The following VMP1 variants were observed in gnomAD, a reference collection of about 807,000 sequenced individuals.
VMP1 encodes the protein vacuole membrane protein 1.
VMP1 carries 11 observed loss-of-function variants against 56.0 expected under a neutral mutation model. The ratio of observed to expected loss-of-function variants is 0.20; its 90% CI spans 0.12 to 0.32. VMP1 has a LOEUF of 0.32. Ranked by LOEUF, VMP1 falls within the 10% of genes least tolerant of loss-of-function variation. The pLI is 1.00. For missense variants in VMP1, 296 were observed against 490.3 expected (o/e 0.60, Z 3.74); for synonymous variants, 149 against 165.0 (o/e 0.90, Z 0.74).
chr17:59,778,153 G>T (rs1292183969), intron 7 of VMP1, among the ~76,000 whole-genome samples: 1 of 152,122 alleles, frequency 6.6e-6, no homozygotes, highest in Non-Finnish European at 1.5e-5. Context: ...CAATTTGTAT[G>T]TATTTTTCAG....
chr17:59,780,813 A>G (rs1261977477), intron 7 of VMP1, among the ~76,000 whole-genome samples: 1 of 151,854 alleles, frequency 6.6e-6, no homozygotes, highest in Non-Finnish European at 1.5e-5. Flanking sequence ...GTCTCGAACT[A>G]CTGACCTCAG....
intron 7 of VMP1, 25 bp downstream of exon 7, chr17:59,773,910 A>ACTTT: frequency 6.3e-7 from 1 of 1,575,354 alleles, no homozygotes; most frequent in South Asian, 1.2e-5. Flanking sequence ...GATAGAAAAT[A>ACTTT]GAACACTTTA....
chr17:59,754,558 A>T (rs567561452), intron 5 of VMP1, among the ~76,000 whole-genome samples: 17 of 152,268 alleles, frequency 1.1e-4, no homozygotes, highest in African/African-American at 3.4e-4. Context: ...TCATTTGTCT[A>T]TCCTCCTTTT....
chr17:59,818,063 A>T (rs2038308480), intron 10 of VMP1, among the ~76,000 whole-genome samples: 1 of 152,188 alleles, frequency 6.6e-6, no homozygotes, highest in South Asian at 2.1e-4. Flanking sequence ...AAGAAATAAG[A>T]AATTGTCTTT....
At chr17:59,818,959 A>G (rs2038343714) in intron 10 of VMP1, among the ~76,000 whole-genome samples, 1 of 152,162 alleles carries the variant, frequency 6.6e-6, no homozygotes, top group Non-Finnish European at 1.5e-5. Flanking sequence ...CTATTTAAAA[A>G]AAGAATGCCA....
At chr17:59,739,966 A>G (rs1469949983) in intron 5 of VMP1, among the ~76,000 whole-genome samples, 1 of 150,432 alleles carries the variant, frequency 6.6e-6, no homozygotes, top group Non-Finnish European at 1.5e-5. Context: ...AGTCCCAGCT[A>G]CTCGGGAGGC....
At chr17:59,822,846 C>G (rs758288534) in intron 10 of VMP1, among the ~76,000 whole-genome samples, 1 of 152,104 alleles carries the variant, frequency 6.6e-6, no homozygotes, top group African/African-American at 2.4e-5. Flanking sequence ...TAGAAACATT[C>G]TCCTTTAGAT....
intron 10 of VMP1, among the ~76,000 whole-genome samples, chr17:59,830,774 G>C (rs1381032877): frequency 6.6e-6 from 1 of 152,208 alleles, no homozygotes; most frequent in Non-Finnish European, 1.5e-5. Flanking sequence ...CAACTGCTTA[G>C]ACTTTAAGTA....
intron 6 of VMP1, among the ~76,000 whole-genome samples, chr17:59,767,476 G>GA (rs903145041): frequency 2.0e-5 from 3 of 151,982 alleles, no homozygotes; most frequent in African/African-American, 4.8e-5. Context: ...GTCTTTTGAT[G>GA]AAAAAAATGT....
chr17:59,836,711 GC>G (rs1370039978), intron 10 of VMP1, among the ~76,000 whole-genome samples: 3 of 143,152 alleles, frequency 2.1e-5, no homozygotes, highest in Non-Finnish European at 4.5e-5. Context: ...TTCCTTGTGG[GC>G]AGTTTGGTTT....
chr17:59,724,695 G>A (rs547978040), intron 1 of VMP1, among the ~76,000 whole-genome samples: 1 of 151,466 alleles, frequency 6.6e-6, no homozygotes. Flanking sequence ...GGCAGGGCAC[G>A]GTGGCTCACG....
chr17:59,809,532 A>G (rs2037978472), intron 8 of VMP1, among the ~76,000 whole-genome samples: 3 of 76,728 alleles, frequency 3.9e-5, no homozygotes, highest in Admixed American at 2.0e-4. Flanking sequence ...TTTGAGACGG[A>G]GTCTCGCTCT....
chr17:59,791,659 TCACCATGTTG>T (rs1203640205), intron 7 of VMP1, among the ~76,000 whole-genome samples: 1 of 151,890 alleles, frequency 6.6e-6, no homozygotes, highest in African/African-American at 2.4e-5. Flanking sequence ...AGACAGGGTT[TCACCATGTTG>T]GCCAGGCTGG....
intron 7 of VMP1, among the ~76,000 whole-genome samples, chr17:59,775,182 A>G (rs1175149419): frequency 6.6e-6 from 1 of 151,732 alleles, no homozygotes; most frequent in Non-Finnish European, 1.5e-5. Flanking sequence ...CTGACCTCGC[A>G]ATCCACCCGC....
At chr17:59,765,927 T>A (rs952351542) in intron 6 of VMP1, among the ~76,000 whole-genome samples, 1 of 151,478 alleles carries the variant, frequency 6.6e-6, no homozygotes, top group Non-Finnish European at 1.5e-5. Flanking sequence ...ATAAAATATA[T>A]ATAAATATTA....
chr17:59,739,544 G>T (rs2035139764), intron 5 of VMP1, among the ~76,000 whole-genome samples: 1 of 151,528 alleles, frequency 6.6e-6, no homozygotes, highest in Admixed American at 6.6e-5. Flanking sequence ...CTAACATGGT[G>T]AAACCCTGTC....
chr17:59,775,185 C>T (rs990976623), intron 7 of VMP1, among the ~76,000 whole-genome samples: 12 of 152,080 alleles, frequency 7.9e-5, no homozygotes, highest in Non-Finnish European at 4.4e-5. Context: ...ACCTCGCAAT[C>T]CACCCGCCTT....
chr17:59,715,099 C>T (rs893501902), intron 1 of VMP1, among the ~76,000 whole-genome samples: 1 of 152,200 alleles, frequency 6.6e-6, no homozygotes, highest in African/African-American at 2.4e-5. Flanking sequence ...GCAAGTCCTT[C>T]AACTTTGTTC....
chr17:59,827,187 G>A (rs568253558), intron 10 of VMP1, among the ~76,000 whole-genome samples: 3 of 151,630 alleles, frequency 2.0e-5, no homozygotes, highest in African/African-American at 2.4e-5. Flanking sequence ...ACAGGGTCTC[G>A]CTGTGTTGCC....
Sources: allele counts gnomAD v4.1 joint callset (sites outside exome capture counted in the v4.1 genomes callset), GRCh38; gene constraint gnomAD v4.1.1; transcripts MANE v1.5; gene names NCBI Gene and HGNC (gene_info 2026-07-23, HGNC 2026-07-21).